SIKE1: variants seen among roughly 807,000 people sequenced by gnomAD.
The protein encoded by SIKE1 is suppressor of IKBKE 1, also known as suppressor of IKK epsilon.
A neutral mutation model predicts 25.8 loss-of-function variants in SIKE1; 13 were observed. The ratio of observed to expected loss-of-function variants is 0.50; its 90% CI spans 0.33 to 0.80. SIKE1 has a LOEUF of 0.80. Ranked by LOEUF, SIKE1 falls within the 30% of genes least tolerant of loss-of-function variation. The pLI is 0.02. For synonymous variants in SIKE1, 86 were observed against 95.5 expected (o/e 0.90, Z 0.58); for missense variants, 222 against 252.4 (o/e 0.88, Z 0.82).
At position 114,773,325 on chromosome 1, in the gene SIKE1, TAAAC is replaced by T. The variant is rs1261557743; in HGVS notation, c.*942_*945del. 2 of 151,586 alleles carry T rather than the reference TAAAC, an allele frequency of 1.3e-5. No individual in the cohort carries two copies. Among genetic ancestry groups the T allele is most frequent in the Admixed American group, 6.6e-5 (1 of 15,218 alleles). The allele number at this position is 151,586 out of a possible 1,614,324, so 9.4% of individuals were successfully genotyped here. On this transcript the variant is annotated 3_prime_UTR_variant, in exon 5 of 5. Coordinates refer to ENST00000060969, the MANE Select transcript of SIKE1 (RefSeq NM_025073.3). ...GATAAAAAAAAACCCTGCTTCTATGTAAACAAAAAAAAAGAAAGCCAACTATTAG... is the reference window on the plus strand; with the variant it reads ...GATAAAAAAAAACCCTGCTTCTATGTAAAAAAAAAGAAAGCCAACTATTAG...
chr1:114,779,681 A>G (rs916714257), intron 2 of SIKE1, among the ~76,000 whole-genome samples: 1 of 152,258 alleles, frequency 6.6e-6, no homozygotes, highest in Non-Finnish European at 1.5e-5. Flanking sequence ...TTAATACCAC[A>G]ATCATTAATA....
At position 114,772,262 on chromosome 1, in the gene SIKE1, A is replaced by G. The variant is rs1213474250; in HGVS notation, c.*2009T>C. ...TCTCAAAATGCAGTTTTTGTTAGAA[A>G]ATATAATTTTGAACTAAGATTTTTG... On this transcript the variant is annotated 3_prime_UTR_variant, in exon 5 of 5. Coordinates refer to ENST00000060969, the MANE Select transcript of SIKE1 (RefSeq NM_025073.3). The G allele has an allele frequency of 6.6e-6, 1 of 152,184 alleles. No individual in the cohort carries two copies. Among genetic ancestry groups the G allele is most frequent in the Non-Finnish European group, 1.5e-5 (1 of 68,038 alleles). The allele number at this position is 152,184 out of a possible 1,614,324, so 9.4% of individuals were successfully genotyped here.
intron 1 of SIKE1, 24 bp downstream of exon 1, chr1:114,780,425 C>A: frequency 6.2e-7 from 1 of 1,612,856 alleles, no homozygotes; most frequent in South Asian, 1.1e-5. Flanking sequence ...TCCGAGAGCA[C>A]TGGACTCCTA....
Position 114,780,180 on chromosome 1 carries a change from G to A in SIKE1, c.195C>T (p.Ser65=), listed in dbSNP as rs1222973790. Residue 65 remains serine, a synonymous_variant, in exon 2 of 5, where the codon TCC becomes TCT. Coordinates refer to ENST00000060969, the MANE Select transcript of SIKE1 (RefSeq NM_025073.3). ...ACAGCAGAATGTGAGGTTTGTATTTGGACATGTCCTTCATATCGGATGCAT... is the reference window on the plus strand; with the variant it reads ...ACAGCAGAATGTGAGGTTTGTATTTAGACATGTCCTTCATATCGGATGCAT... ...QEDASDMKDM[S]KYKPHILLSQ... The A allele has an allele frequency of 1.2e-6, 2 of 1,613,762 alleles. No homozygotes were observed. Among genetic ancestry groups the A allele is most frequent in the Admixed American group, 3.3e-5 (2 of 59,956 alleles).
Position 114,770,080 on chromosome 1 carries a change from C to T in SIKE1, c.*4191G>A, listed in dbSNP as rs552757369. On this transcript the variant is annotated 3_prime_UTR_variant, in exon 5 of 5. Coordinates refer to ENST00000060969, the MANE Select transcript of SIKE1 (RefSeq NM_025073.3). ...TTTTATTAAAAGTAATTCTCAGGAT[C>T]TCTAGGACAGCCAGCAAACAAGAAT... is the stretch of plus-strand genomic sequence containing the variant. The T allele has an allele frequency of 6.6e-6, 1 of 152,320 alleles. No homozygotes were observed. Among genetic ancestry groups the T allele is most frequent in the Admixed American group, 6.5e-5 (1 of 15,300 alleles). 9.4% of individuals were successfully genotyped at this position (152,320 alleles called of 1,614,324 possible). A position where few individuals can be genotyped will look rare whatever the true frequency, so the allele number is the denominator to read the frequency against.
At chr1:114,775,305 T>G (rs1315367421) in intron 4 of SIKE1, among the ~76,000 whole-genome samples, 1 of 152,182 alleles carries the variant, frequency 6.6e-6, no homozygotes, top group African/African-American at 2.4e-5. Context: ...ACGAATCTTC[T>G]ACCACATGAA....
chr1:114,780,256 C>G (rs558374038), intron 1 of SIKE1, 41 bp from the exon 2 acceptor site: 2 of 1,569,436 alleles, frequency 1.3e-6, no homozygotes, highest in Admixed American at 1.7e-5. Context: ...TTAAAGAGAA[C>G]AGCGGCAGAT....
Position 114,780,161 on chromosome 1 carries a change from G to T in SIKE1, c.214C>A (p.Leu72Met), listed in dbSNP as rs1303180301. ...ATCTGTGTGTTCTCTTGGGACAGCA[G>T]AATGTGAGGTTTGTATTTGGACATG... Reference protein sequence around the residue: ...KDMSKYKPHILLSQENTQIRD... With the variant: ...KDMSKYKPHIMLSQENTQIRD... Residue 72 changes from leucine to methionine, a missense_variant, in exon 2 of 5, where the codon CTG (leucine) becomes ATG (methionine). Physicochemically the swap from Leu to Met is conservative, Grantham distance 15. Transcript: ENST00000060969. 4.3e-6 allele frequency: 7 copies of T among 1,614,076 alleles called. No individual in the cohort carries two copies. The highest frequency in any genetic ancestry group is 5.9e-6 in the Non-Finnish European group (7 of 1,179,956).
chr1:114,776,397 C>T lies in SIKE1; in HGVS notation c.471G>A (p.Gln157=). ...TCTTACAAAACTGGTCATCATCCAC[C>T]TGAACTGCTTTCCTCATCACTTCTC... The part of the protein sequence containing the change: ...EMGEVMRKAV[Q]VDDDQFCKIQ... The change falls in exon 4 of 5, where the codon CAG becomes CAA. Residue 157 remains glutamine, a synonymous_variant. Transcript: ENST00000060969. 1 of 1,613,836 alleles carries T rather than the reference C, an allele frequency of 6.2e-7. No homozygotes were observed. Among genetic ancestry groups the T allele is most frequent in the Non-Finnish European group, 8.5e-7 (1 of 1,179,854 alleles).
Position 114,776,442 on chromosome 1 carries a change from A to G in SIKE1, c.426T>C (p.Ile142=). The part of the protein sequence containing the change: ...QSHSAEIESQ[I]DRICEMGEVM... ...CTTCTCCCATTTCACAGATTCTGTC[A>G]ATCTGACTCTCAATTTCCTGTGAAG... Residue 142 remains isoleucine, a synonymous_variant, in exon 4 of 5, where the codon ATT becomes ATC. Transcript: ENST00000060969. 6.2e-7 allele frequency: 1 copy of G among 1,611,070 alleles called. No homozygotes were observed. The highest frequency in any genetic ancestry group is 8.5e-7 in the Non-Finnish European group (1 of 1,177,418).
chr1:114,778,351 T>C (rs753999786), intron 3 of SIKE1, among the ~76,000 whole-genome samples: 10 of 152,146 alleles, frequency 6.6e-5, no homozygotes, highest in Non-Finnish European at 1.0e-4. Flanking sequence ...CCTAACAACA[T>C]AGTATGATAC....
chr1:114,778,121 C>A (rs1030010195), intron 3 of SIKE1, among the ~76,000 whole-genome samples: 1 of 152,166 alleles, frequency 6.6e-6, no homozygotes, highest in African/African-American at 2.4e-5. Context: ...CAGTAAAATG[C>A]ATTCAATGGA....
intron 3 of SIKE1, among the ~76,000 whole-genome samples, chr1:114,777,824 G>GA (rs374752798): frequency 0.063 from 9,436 of 149,314 alleles, 384 homozygotes; most frequent in African/African-American, 0.11. Flanking sequence ...ATTTGAAATG[G>GA]AAAAAAAAAA....
At position 114,780,353 on chromosome 1, in the gene SIKE1, C is replaced by T. The variant is rs1041252966; in HGVS notation, c.159+96G>A. On this transcript the variant is annotated intron_variant, in intron 1 of 4. Coordinates refer to ENST00000060969, the MANE Select transcript of SIKE1 (RefSeq NM_025073.3). ...TGGTCTCACCGCCGCCCTCTGAGACCGGGAATAAATTCCAGGCCGAGTTCC... is the reference window on the plus strand; with the variant it reads ...TGGTCTCACCGCCGCCCTCTGAGACTGGGAATAAATTCCAGGCCGAGTTCC... 3 of 1,606,016 alleles carry T rather than the reference C, an allele frequency of 1.9e-6. No homozygotes were observed. The African/African-American group carries it at 4.0e-5, about 21-fold the overall frequency.
Position 114,780,503 on chromosome 1 carries a change from C to CG in SIKE1, c.104dup (p.Leu36AlafsTer46). 1 of 1,613,512 alleles carries CG rather than the reference C, an allele frequency of 6.2e-7. No individual in the cohort carries two copies. Among genetic ancestry groups the CG allele is most frequent in the Admixed American group, 1.7e-5 (1 of 60,020 alleles). ...GCATAGCTGCTACCCGCCGGTGCAG[C>CG]GCCGCCGACTGATCCACCAGCGACT... On this transcript the variant is annotated frameshift_variant, in exon 1 of 5. Transcript: ENST00000060969. LOFTEE classifies it high-confidence loss of function.
chr1:114,778,215 A>G (rs1662299778), intron 3 of SIKE1, among the ~76,000 whole-genome samples: 1 of 152,238 alleles, frequency 6.6e-6, no homozygotes, highest in Non-Finnish European at 1.5e-5. Context: ...ATGATACAGT[A>G]CACAAGAATG....
At chr1:114,777,541 T>C (rs941631225) in intron 3 of SIKE1, among the ~76,000 whole-genome samples, 2 of 152,202 alleles carry the variant, frequency 1.3e-5, no homozygotes, top group Non-Finnish European at 2.9e-5. Context: ...GTTACACTCA[T>C]GTCATCATCT....
Position 114,772,287 on chromosome 1 carries a change from G to A in SIKE1, c.*1984C>T, listed in dbSNP as rs1662090400. On this transcript the variant is annotated 3_prime_UTR_variant, in exon 5 of 5. Coordinates refer to ENST00000060969, the MANE Select transcript of SIKE1 (RefSeq NM_025073.3). ...AATATAATTTTGAACTAAGATTTTT[G>A]CAAACCAGGCAAGTTCTTCATCCAC... 1 of 152,034 alleles carries A rather than the reference G, an allele frequency of 6.6e-6. No homozygotes were observed. 9.4% of individuals were successfully genotyped at this position (152,034 alleles called of 1,614,324 possible).
Position 114,780,516 on chromosome 1 carries a change from TC to T in SIKE1, c.91del (p.Asp31IlefsTer10), listed in dbSNP as rs765116045. On this transcript the variant is annotated frameshift_variant, in exon 1 of 5. Transcript: ENST00000060969. LOFTEE classifies it high-confidence loss of function. ...EHDAAAESLVDQSAALHRRVA... is the reference protein window; with the variant it reads ...EHDAAAESLVXQSAALHRRVA... The stretch of plus-strand genomic sequence containing the variant: ...CCGCCGGTGCAGCGCCGCCGACTGA[TC>T]CACCAGCGACTCGGCGGCCGCATCG... The T allele has an allele frequency of 6.2e-7, 1 of 1,613,588 alleles. No homozygotes were observed. The highest frequency in any genetic ancestry group is 8.5e-7 in the Non-Finnish European group (1 of 1,179,998).
Sources: gnomAD v4.1 joint callset for allele counts (sites outside exome capture counted in the v4.1 genomes callset) on GRCh38, gnomAD v4.1.1 for gene constraint, MANE v1.5 for transcripts, NCBI Gene and HGNC (gene_info 2026-07-23, HGNC 2026-07-21) for gene names.